Variants in TNFRSF10B observed in about 807,000 individuals in gnomAD.
The protein encoded by TNFRSF10B is TNF receptor superfamily member 10b, also known as tumor necrosis factor receptor superfamily member 10B.
TNFRSF10B carries 35 observed loss-of-function variants against 41.4 expected under a neutral mutation model. The ratio of observed to expected loss-of-function variants is 0.85; its 90% CI spans 0.65 to 1.12. The LOEUF (loss-of-function observed/expected upper bound fraction) is 1.12, where lower values mean the gene tolerates loss of function less well. Among genes scored for constraint, TNFRSF10B ranks in the 50% most tolerant of loss-of-function variants. The pLI is 0.00. For missense variants in TNFRSF10B, 584 were observed against 552.7 expected (o/e 1.06, Z -0.57); for synonymous variants, 230 against 215.5 (o/e 1.07, Z -0.59).
intron 1 of TNFRSF10B, among the ~76,000 whole-genome samples, chr8:23,046,741 C>T (rs1040435686): frequency 9.9e-5 from 15 of 151,706 alleles, no homozygotes; most frequent in Non-Finnish European, 4.4e-5. Flanking sequence ...CAGCATGGCA[C>T]GGGTATAAAA....
chr8:23,042,917 A>C, intron 2 of TNFRSF10B: 1 of 520,720 alleles, frequency 1.9e-6, no homozygotes, highest in Non-Finnish European at 3.4e-6. Flanking sequence ...GTCCCACTCA[A>C]TTCTCTCTCA....
intron 1 of TNFRSF10B, among the ~76,000 whole-genome samples, chr8:23,058,173 G>T (rs372134307): frequency 1.3e-5 from 2 of 152,288 alleles, no homozygotes; most frequent in African/African-American, 4.8e-5. Flanking sequence ...CTTGAACCCA[G>T]GAGGAGGAGG....
At chr8:23,045,278 A>G (rs913282400) in intron 1 of TNFRSF10B, among the ~76,000 whole-genome samples, 1 of 152,160 alleles carries the variant, frequency 6.6e-6, no homozygotes, top group Non-Finnish European at 1.5e-5. Context: ...ACAGAAATGC[A>G]AAGGATCATA....
chr8:23,036,180 A>G (rs1812025189), intron 2 of TNFRSF10B, among the ~76,000 whole-genome samples: 1 of 152,178 alleles, frequency 6.6e-6, no homozygotes, highest in African/African-American at 2.4e-5. Flanking sequence ...AAATTACTCT[A>G]CGACCTGACT....
At chr8:23,030,162 G>C (rs1369176797) in intron 3 of TNFRSF10B, among the ~76,000 whole-genome samples, 1 of 152,152 alleles carries the variant, frequency 6.6e-6, no homozygotes, top group African/African-American at 2.4e-5. Context: ...GCCCAGGGGA[G>C]AGAGCCTGGC....
intron 2 of TNFRSF10B, among the ~76,000 whole-genome samples, chr8:23,036,377 A>G (rs750341589): frequency 5.9e-5 from 9 of 152,194 alleles, no homozygotes; most frequent in African/African-American, 9.7e-5. Context: ...CACTCCTGCA[A>G]TATTACTTTC....
intron 1 of TNFRSF10B, among the ~76,000 whole-genome samples, chr8:23,054,627 A>T (rs1277196799): frequency 6.6e-6 from 1 of 152,178 alleles, no homozygotes; most frequent in African/African-American, 2.4e-5. Context: ...AAGCCCTTGG[A>T]AACTGGCCTC....
At chr8:23,046,768 A>G (rs1337709647) in intron 1 of TNFRSF10B, among the ~76,000 whole-genome samples, 2 of 152,210 alleles carry the variant, frequency 1.3e-5, no homozygotes, top group Admixed American at 1.3e-4. Context: ...ATATTGACCA[A>G]TGGAACAAAA....
At chr8:23,068,605 G>A (rs1330588431) in intron 1 of TNFRSF10B, 146 bp downstream of exon 1, 7 of 1,305,814 alleles carry the variant, frequency 5.4e-6, no homozygotes, top group East Asian at 5.1e-5. Context: ...CTCTTCCCCC[G>A]ACTCCGACGA....
At chr8:23,036,842 T>C (rs1178192669) in intron 2 of TNFRSF10B, among the ~76,000 whole-genome samples, 1 of 151,978 alleles carries the variant, frequency 6.6e-6, no homozygotes, top group Non-Finnish European at 1.5e-5. Context: ...AAACTCCGTC[T>C]CAAAAAAAAG....
intron 2 of TNFRSF10B, among the ~76,000 whole-genome samples, chr8:23,032,331 A>G (rs1236618090): frequency 6.6e-6 from 1 of 152,232 alleles, no homozygotes; most frequent in Non-Finnish European, 1.5e-5. Flanking sequence ...AAAGCCTTCA[A>G]AATTAAAGCT....
At chr8:23,039,366 G>C (rs1161542895) in intron 2 of TNFRSF10B, among the ~76,000 whole-genome samples, 2 of 152,030 alleles carry the variant, frequency 1.3e-5, no homozygotes, top group Non-Finnish European at 2.9e-5. Context: ...TGTGGAGGCT[G>C]GCAAATTCAA....
intron 1 of TNFRSF10B, among the ~76,000 whole-genome samples, chr8:23,061,985 A>G (rs1427158720): frequency 6.6e-6 from 1 of 152,172 alleles, no homozygotes; most frequent in Non-Finnish European, 1.5e-5. Context: ...ACTGGGATAT[A>G]GCTTTATTTT....
intron 2 of TNFRSF10B, among the ~76,000 whole-genome samples, chr8:23,041,154 G>A (rs1812189687): frequency 1.3e-5 from 2 of 151,492 alleles, no homozygotes; most frequent in South Asian, 4.2e-4. Context: ...TGCCTCCCGG[G>A]TTCAAGCGAT....
rs1387852933 is a variant in TNFRSF10B, at chr8:23,030,747, T to C, written c.364+12A>G. ...ATTCCACCTTTAGGCATGGGGTCCA[T>C]ATGTTCTGTACCTGAATCACACCTG... On this transcript the variant is annotated intron_variant, in intron 3 of 8. Coordinates refer to ENST00000276431, the MANE Select transcript of TNFRSF10B (RefSeq NM_003842.5). The C allele has an allele frequency of 9.4e-6, 15 of 1,602,858 alleles. No homozygotes were observed. The highest frequency in any genetic ancestry group is 1.3e-5 in the Non-Finnish European group (15 of 1,171,998).
intron 1 of TNFRSF10B, among the ~76,000 whole-genome samples, chr8:23,067,467 A>C (rs1236740858): frequency 1.3e-5 from 2 of 152,020 alleles, no homozygotes; most frequent in Admixed American, 6.5e-5. Context: ...CCCACAACAG[A>C]GCAAACAAAC....
At chr8:23,067,878 C>A (rs1010357419) in intron 1 of TNFRSF10B, among the ~76,000 whole-genome samples, 1 of 152,156 alleles carries the variant, frequency 6.6e-6, no homozygotes, top group Non-Finnish European at 1.5e-5. Context: ...CTCTGAGCTG[C>A]GGTCTCTTCC....
chr8:23,034,408 A>G (rs1221611704), intron 2 of TNFRSF10B, among the ~76,000 whole-genome samples: 1 of 152,196 alleles, frequency 6.6e-6, no homozygotes, highest in Non-Finnish European at 1.5e-5. Flanking sequence ...CCAGATTTGC[A>G]TTTACTTAAA....
intron 1 of TNFRSF10B, among the ~76,000 whole-genome samples, chr8:23,058,177 G>A (rs1812724188): frequency 1.3e-5 from 2 of 152,142 alleles, no homozygotes; most frequent in African/African-American, 4.8e-5. Context: ...AACCCAGGAG[G>A]AGGAGGTTTC....
Sources: gnomAD v4.1 joint callset for allele counts (sites outside exome capture counted in the v4.1 genomes callset) on GRCh38, gnomAD v4.1.1 for gene constraint, MANE v1.5 for transcripts, NCBI Gene and HGNC (gene_info 2026-07-23, HGNC 2026-07-21) for gene names.